The following PARP1 variants were observed in gnomAD, a reference collection of about 807,000 sequenced individuals.
PARP1 encodes the protein poly(ADP-ribose) polymerase 1.
PARP1 carries 44 observed loss-of-function variants against 118.7 expected under a neutral mutation model. The ratio of observed to expected loss-of-function variants is 0.37; its 90% CI spans 0.29 to 0.48. PARP1 has a LOEUF of 0.48. Ranked by LOEUF, PARP1 falls within the 20% of genes least tolerant of loss-of-function variation. PARP1 has a pLI of 0.99. For synonymous variants in PARP1, 492 were observed against 483.2 expected, an observed-to-expected ratio of 1.02 and a Z score of -0.24; for missense variants, 1,100 against 1,272.4, an observed-to-expected ratio of 0.86 and a Z score of 2.06.
intron 20 of PARP1, 35 bp downstream of exon 20, chr1:226,363,908 G>T: frequency 6.2e-7 from 1 of 1,611,834 alleles, no homozygotes; most frequent in South Asian, 1.1e-5. Flanking sequence ...CTGTCCCCAT[G>T]AAATGCCATC....
chr1:226,392,552 G>A (rs1664840126), intron 2 of PARP1: 4 of 567,170 alleles, frequency 7.1e-6, no homozygotes, highest in Non-Finnish European at 6.3e-6. Context: ...CAGCATATCA[G>A]GGGGTGGTCA....
At chr1:226,396,465 T>C (rs990721989) in intron 2 of PARP1, among the ~76,000 whole-genome samples, 14 of 151,072 alleles carry the variant, frequency 9.3e-5, no homozygotes, top group Non-Finnish European at 1.5e-4. Context: ...AGGATCTCAA[T>C]TCTGCAGGAA....
At position 226,374,237 on chromosome 1, in the gene PARP1, C is replaced by T. The variant is rs1336922917; in HGVS notation, c.2059G>A (p.Val687Met). 2 of 1,614,150 alleles carry T rather than the reference C, an allele frequency of 1.2e-6. No homozygotes were observed. Among genetic ancestry groups the T allele is most frequent in the Non-Finnish European group, 1.7e-6 (2 of 1,180,028 alleles). Residue 687 changes from valine (V) to methionine (M), a missense_variant, in exon 14 of 23, where the codon GTG becomes ATG. This residue lies in a region of PARP1 where 948 missense variants were observed against 1,031.8 expected (regional missense o/e 0.92). Coordinates refer to ENST00000366794, the MANE Select transcript of PARP1 (RefSeq NM_001618.4). ...TAAAGCGCAATAACCTCATACTCCA[C>T]CATGGCTTTCTTCATACTTTCCACA... is the stretch of plus-strand genomic sequence containing the variant. ...FDVESMKKAM[V>M]EYEIDLQKMP... is the part of the protein sequence containing the mutation.
At position 226,368,260 on chromosome 1, in the gene PARP1, A is replaced by C; in HGVS notation, c.2216T>G (p.Leu739Arg). The part of the protein sequence containing the change: ...ILDLSNRFYT[L>R]IPHDFGMKKP... ...CTTCATCCCAAAGTCGTGGGGGATC[A>C]GGGTGTAAAAGCGATTTGAGAGATC... The change falls in exon 16 of 23, where the codon CTG becomes CGG. Residue 739 changes from leucine to arginine, a missense_variant. Leu to Arg is a moderately radical substitution (Grantham distance 102, BLOSUM62 -2). This residue lies in a region of PARP1 where 948 missense variants were observed against 1,031.8 expected (regional missense o/e 0.92). Transcript: ENST00000366794. The C allele has an allele frequency of 6.2e-7, 1 of 1,614,202 alleles. No individual in the cohort carries two copies. The highest frequency in any genetic ancestry group is 8.5e-7 in the Non-Finnish European group (1 of 1,180,016).
At chr1:226,391,402 T>G (rs1417618352) in intron 3 of PARP1, among the ~76,000 whole-genome samples, 1 of 152,206 alleles carries the variant, frequency 6.6e-6, no homozygotes, top group East Asian at 1.9e-4. Context: ...AGGCCTGATA[T>G]TCCCAGGAGA....
chr1:226,399,073 CTT>C (rs34094559), intron 2 of PARP1, among the ~76,000 whole-genome samples: 62 of 125,738 alleles, frequency 4.9e-4, no homozygotes, highest in Admixed American at 8.3e-4. Context: ...ATGGAGGAAT[CTT>C]TTTTTTTTTT....
intron 2 of PARP1, among the ~76,000 whole-genome samples, chr1:226,401,719 CT>C (rs1665041625): frequency 6.6e-6 from 1 of 152,188 alleles, no homozygotes; most frequent in Admixed American, 6.5e-5. Context: ...AGGTCTGAAA[CT>C]ACTCTGTATG....
chr1:226,368,109 C>T (rs1664306656), intron 16 of PARP1, 90 bp downstream of exon 16: 3 of 1,554,884 alleles, frequency 1.9e-6, no homozygotes, highest in Non-Finnish European at 2.7e-6. Context: ...ATTGGTGCTG[C>T]CCTCAGGGAT....
At chr1:226,407,766 G>A in intron 1 of PARP1, 44 bp downstream of exon 1, 2 of 1,327,552 alleles carry the variant, frequency 1.5e-6, no homozygotes, top group African/African-American at 1.5e-5. Flanking sequence ...CAGTTAACCC[G>A]GGGCGCCGCG....
rs139425386 is a variant in PARP1 at position 226,364,037 on chromosome 1, C to A, written c.2692G>T (p.Ala898Ser). 1.7e-5 allele frequency: 28 copies of A among 1,613,808 alleles called. No individual in the cohort carries two copies. The highest frequency in any genetic ancestry group is 8.0e-5 in the African/African-American group (6 of 75,006). The part of the protein sequence containing the change: ...GYMFGKGIYF[A>S]DMVSKSANYC... ...TTGGCACTCTTGGAGACCATGTCAGCGAAATAGATCCCTTTACCAAACATG... is the reference window on the plus strand; with the variant it reads ...TTGGCACTCTTGGAGACCATGTCAGAGAAATAGATCCCTTTACCAAACATG... The change falls in exon 20 of 23, where the codon GCT becomes TCT. Residue 898 changes from alanine to serine, a missense_variant. Physicochemically the swap from Ala to Ser is moderately conservative, Grantham distance 99. Coordinates refer to ENST00000366794, the MANE Select transcript of PARP1 (RefSeq NM_001618.4).
Position 226,396,454 on chromosome 1 carries a change from T to C in PARP1, c.287-4140A>G, listed in dbSNP as rs1576402015. On this transcript the variant is annotated intron_variant, in intron 2 of 22. Coordinates refer to ENST00000366794, the MANE Select transcript of PARP1 (RefSeq NM_001618.4). ...CAAGTAAGAAAAGTGATACTTAGAG[T>C]AGGATCTCAATTCTGCAGGAAAGAA... Among the ~76,000 whole-genome samples the C allele has an allele frequency of 2.0e-5, 3 of 146,510 alleles. No homozygotes were observed. In the East Asian group the frequency reaches 6.0e-4, roughly 29 times the overall value.
intron 1 of PARP1, among the ~76,000 whole-genome samples, chr1:226,405,423 C>T (rs1665127615): frequency 1.3e-5 from 2 of 152,254 alleles, no homozygotes; most frequent in African/African-American, 4.8e-5. Flanking sequence ...CCAGCTTCAG[C>T]CTCCGGAGTA....
chr1:226,361,640 G>C, intron 22 of PARP1, 99 bp from the exon 23 acceptor site: 1 of 890,902 alleles, frequency 1.1e-6, no homozygotes, highest in South Asian at 1.4e-5. Flanking sequence ...GTGCCAGCCT[G>C]AAAGTCACTC....
At position 226,392,242 on chromosome 1, in the gene PARP1, G is replaced by A; in HGVS notation, c.359C>T (p.Ser120Phe). ...LGDFAAEYAK[S>F]NRSTCKGCME... Reference sequence around the variant, plus strand: ...ACACCCCTTGCACGTACTTCTGTTGGACTTGGCATACTCTGCTGCAAAGTC... The same window carrying A: ...ACACCCCTTGCACGTACTTCTGTTGAACTTGGCATACTCTGCTGCAAAGTC... Residue 120 changes from serine to phenylalanine, a missense_variant, in exon 3 of 23, where the codon TCC (serine) becomes TTC (phenylalanine). By Grantham distance (155) the Ser-to-Phe change is radical (BLOSUM62 -2). This residue lies in a region of PARP1 where 948 missense variants were observed against 1,031.8 expected (regional missense o/e 0.92). Coordinates refer to ENST00000366794, the MANE Select transcript of PARP1 (RefSeq NM_001618.4). The A allele has an allele frequency of 6.2e-7, 1 of 1,613,956 alleles. No individual in the cohort carries two copies. Among genetic ancestry groups the A allele is most frequent in the Non-Finnish European group, 8.5e-7 (1 of 1,179,872 alleles).
chr1:226,388,590 T>C (rs1664757256), intron 5 of PARP1, 66 bp downstream of exon 5: 2 of 1,138,568 alleles, frequency 1.8e-6, no homozygotes, highest in Non-Finnish European at 2.7e-6. Flanking sequence ...TGAATTGTCT[T>C]CCCAGAATGA....
At chr1:226,390,756 CAT>C in intron 3 of PARP1, 132 bp from the exon 4 acceptor site, 1 of 793,794 alleles carries the variant, frequency 1.3e-6, no homozygotes, top group South Asian at 1.5e-5. Context: ...CTTGAAGACT[CAT>C]GAGCTTTTGA....
chr1:226,402,157 C>G (rs116492860), intron 2 of PARP1, 57 bp downstream of exon 2: 2 of 1,614,020 alleles, frequency 1.2e-6, no homozygotes, highest in African/African-American at 2.7e-5. Context: ...AGACGAGGCC[C>G]TCCTGGGAGC....
At chr1:226,403,503 A>G (rs931502508) in intron 1 of PARP1, among the ~76,000 whole-genome samples, 3 of 152,254 alleles carry the variant, frequency 2.0e-5, no homozygotes, top group Non-Finnish European at 2.9e-5. Flanking sequence ...GGACGGTGAC[A>G]GCGATTGGGA....
rs749543051 is a variant in PARP1, at chr1:226,380,181, G to GA, written c.1301-18dup. On this transcript the variant is annotated splice_polypyrimidine_tract_variant and intron_variant, in intron 9 of 22. Coordinates refer to ENST00000366794, the MANE Select transcript of PARP1 (RefSeq NM_001618.4). Reference sequence around the variant, plus strand: ...CCACCTCCTCTGTTCAAATTGAAAGGAAAAAAAACCAAAATACAAGTTTAA... The same window carrying GA: ...CCACCTCCTCTGTTCAAATTGAAAGGAAAAAAAAACCAAAATACAAGTTTAA... The GA allele has an allele frequency of 2.5e-5, 41 of 1,611,104 alleles. No homozygotes were observed. The highest frequency in any genetic ancestry group is 1.7e-4 in the Middle Eastern group (1 of 6,038).
Sources: allele counts gnomAD v4.1 joint callset (sites outside exome capture counted in the v4.1 genomes callset), GRCh38; gene constraint gnomAD v4.1.1; regional missense constraint gnomAD v4.1.1; transcripts MANE v1.5; gene names NCBI Gene and HGNC (gene_info 2026-07-23, HGNC 2026-07-21).